ZC3H12B: variants seen among roughly 807,000 people sequenced by gnomAD.
The protein encoded by ZC3H12B is probable ribonuclease ZC3H12B.
ZC3H12B carries 7 observed loss-of-function variants against 43.9 expected under a neutral mutation model. The ratio of observed to expected loss-of-function variants is 0.16; its 90% confidence interval spans 0.09 to 0.30. ZC3H12B has a LOEUF of 0.30. Ranked by LOEUF, ZC3H12B falls within the 10% of genes least tolerant of loss-of-function variation. The pLI is 1.00. For synonymous variants in ZC3H12B, 222 were observed against 241.7 expected (o/e 0.92, Z 0.76); for missense variants, 475 against 670.2 (o/e 0.71, Z 3.22).
At chrX:65,161,982 C>A in the ZC3H12B span, among the ~76,000 whole-genome samples, 1 of 111,608 alleles carries the variant, frequency 9.0e-6, no homozygotes, top group Non-Finnish European at 1.9e-5. Flanking sequence ...AATCTCTCAG[C>A]ATTTACTTGT....
At chrX:65,370,088 A>G (rs1471848500) in intron 2 of ZC3H12B, among the ~76,000 whole-genome samples, 1 of 111,928 alleles carries the variant, frequency 8.9e-6, no homozygotes, top group East Asian at 2.8e-4. Flanking sequence ...TCTATATTGA[A>G]AAAGAAAAAG....
At chrX:65,215,760 C>A in the ZC3H12B span, among the ~76,000 whole-genome samples, 2 of 111,997 alleles carry the variant, frequency 1.8e-5, no homozygotes, top group African/African-American at 6.5e-5. Flanking sequence ...TTCAGCCTAT[C>A]TAAGCTTTCG....
At chrX:65,068,092 A>G in the ZC3H12B span, among the ~76,000 whole-genome samples, 1 of 95,020 alleles carries the variant, frequency 1.1e-5, no homozygotes, top group African/African-American at 4.2e-5. Flanking sequence ...GTCAGAGAAG[A>G]TACTTGATGT....
chrX:65,265,261 C>A, the ZC3H12B span, among the ~76,000 whole-genome samples: 10 of 111,857 alleles, frequency 8.9e-5, no homozygotes, highest in Admixed American at 9.5e-4. Flanking sequence ...AACATAGGAG[C>A]CTAATTCCAA....
chrX:65,425,780 T>C (rs1379198827), intron 3 of ZC3H12B, among the ~76,000 whole-genome samples: 3 of 112,022 alleles, frequency 2.7e-5, no homozygotes, highest in Non-Finnish European at 5.6e-5. Flanking sequence ...TTTGTGTATG[T>C]TGAAAAAACC....
chrX:65,128,249 G>A, the ZC3H12B span, among the ~76,000 whole-genome samples: 2 of 111,831 alleles, frequency 1.8e-5, no homozygotes, highest in African/African-American at 6.5e-5. Context: ...AGTATCTTAG[G>A]AATTTTGATG....
the ZC3H12B span, among the ~76,000 whole-genome samples, chrX:65,123,307 G>A: frequency 9.0e-6 from 1 of 111,457 alleles, no homozygotes; most frequent in Admixed American, 9.5e-5. Flanking sequence ...GCTTTTTGAT[G>A]TGCTGCTGGA....
At chrX:65,294,005 C>A in the ZC3H12B span, among the ~76,000 whole-genome samples, 1 of 111,335 alleles carries the variant, frequency 9.0e-6, no homozygotes, top group Admixed American at 9.5e-5. Context: ...GCTCAAAGAA[C>A]GCCCAGGAAA....
At chrX:65,499,577 G>A (rs756408767) in intron 3 of ZC3H12B, among the ~76,000 whole-genome samples, 34 of 111,356 alleles carry the variant, frequency 3.1e-4, no homozygotes, top group Non-Finnish European at 5.5e-4. Context: ...AGGTGAGGGG[G>A]ACATCATGAA....
chrX:65,394,804 T>C (rs912286031), intron 2 of ZC3H12B, among the ~76,000 whole-genome samples: 3 of 112,205 alleles, frequency 2.7e-5, no homozygotes, highest in African/African-American at 9.7e-5. Context: ...AGTATGGCCA[T>C]TTTCAAGATA....
the ZC3H12B span, among the ~76,000 whole-genome samples, chrX:65,323,243 T>C: frequency 1.8e-5 from 2 of 112,040 alleles, no homozygotes; most frequent in African/African-American, 6.5e-5. Flanking sequence ...ATAAAAGGGT[T>C]TTAATTTCTC....
At chrX:65,439,126 C>T (rs1261027193) in intron 3 of ZC3H12B, among the ~76,000 whole-genome samples, 1 of 112,387 alleles carries the variant, frequency 8.9e-6, no homozygotes, top group African/African-American at 3.2e-5. Flanking sequence ...AGGTTACTAG[C>T]TGCTAATTTG....
At chrX:65,122,647 G>T in the ZC3H12B span, among the ~76,000 whole-genome samples, 1 of 110,944 alleles carries the variant, frequency 9.0e-6, no homozygotes, top group Non-Finnish European at 1.9e-5. Flanking sequence ...CCCATCTCAC[G>T]TGCAGAGACA....
chrX:65,140,700 G>A, the ZC3H12B span, among the ~76,000 whole-genome samples: 1 of 111,606 alleles, frequency 9.0e-6, no homozygotes, highest in Non-Finnish European at 1.9e-5. Flanking sequence ...ATCAGTTCTT[G>A]GGCTTTCCTT....
chrX:65,047,371 A>G, the ZC3H12B span, among the ~76,000 whole-genome samples: 2 of 111,701 alleles, frequency 1.8e-5, no homozygotes, highest in African/African-American at 3.2e-5. Context: ...TACAGAAACC[A>G]GGAAACTAAT....
At chrX:65,128,055 CCTGTTATGCTT>C in the ZC3H12B span, among the ~76,000 whole-genome samples, 1 of 111,702 alleles carries the variant, frequency 9.0e-6, no homozygotes, top group Non-Finnish European at 1.9e-5. Flanking sequence ...TCTTGGCTTT[CCTGTTATGCTT>C]CTGTGGTAGT....
At chrX:65,391,470 T>G (rs1422747580) in intron 2 of ZC3H12B, among the ~76,000 whole-genome samples, 1 of 111,479 alleles carries the variant, frequency 9.0e-6, no homozygotes, top group Non-Finnish European at 1.9e-5. Flanking sequence ...AACAATGGTG[T>G]GATTATGTGA....
chrX:65,440,884 G>T (rs185236869), intron 3 of ZC3H12B, among the ~76,000 whole-genome samples: 1 of 112,235 alleles, frequency 8.9e-6, no homozygotes, highest in African/African-American at 3.2e-5. Flanking sequence ...TTTCTCTAAA[G>T]CCTCCAGTTT....
At chrX:65,201,176 A>G in the ZC3H12B span, among the ~76,000 whole-genome samples, 1 of 111,092 alleles carries the variant, frequency 9.0e-6, no homozygotes, top group Admixed American at 9.6e-5. Flanking sequence ...GTCCTGGGCT[A>G]TTTTATTTTT....
Sources: allele counts gnomAD v4.1 joint callset (sites outside exome capture counted in the v4.1 genomes callset), GRCh38; gene constraint gnomAD v4.1.1; transcripts MANE v1.5; gene names NCBI Gene and HGNC (gene_info 2026-07-23, HGNC 2026-07-21).